The following LRBA variants were observed in gnomAD, a reference collection of about 807,000 sequenced individuals.
The protein encoded by LRBA is LPS responsive beige-like anchor protein, also known as lipopolysaccharide-responsive and beige-like anchor protein.
A neutral mutation model predicts 330.0 loss-of-function variants in LRBA; 176 were observed. That is an observed-to-expected ratio of 0.53 (90% CI 0.47 to 0.60). The LOEUF (loss-of-function observed/expected upper bound fraction) is 0.60. Among genes scored for constraint, LRBA ranks in the 20% least tolerant of loss-of-function variants. The pLI is 0.00. For missense variants in LRBA, 3,259 were observed against 3,444.8 expected, an observed-to-expected ratio of 0.95 and a Z score of 1.35; for synonymous variants, 1,230 against 1,193.0, an observed-to-expected ratio of 1.03 and a Z score of -0.64.
intron 49 of LRBA, 102 bp downstream of exon 49, chr4:150,325,707 C>T: frequency 1.3e-6 from 1 of 785,324 alleles, no homozygotes; most frequent in Non-Finnish European, 2.2e-6. Flanking sequence ...AAAAACAAAC[C>T]CACATATGGT....
chr4:150,991,599 T>C (rs1312744365), intron 2 of LRBA, among the ~76,000 whole-genome samples: 1 of 152,186 alleles, frequency 6.6e-6, no homozygotes, highest in Non-Finnish European at 1.5e-5. Context: ...TTATTCAACA[T>C]TCTGGAAAAC....
At chr4:150,787,438 G>C (rs780550849) in intron 34 of LRBA, among the ~76,000 whole-genome samples, 3 of 152,042 alleles carry the variant, frequency 2.0e-5, no homozygotes, top group Non-Finnish European at 4.4e-5. Context: ...TTATAACAAA[G>C]GATATGATAC....
intron 44 of LRBA, among the ~76,000 whole-genome samples, chr4:150,442,468 G>A (rs186478656): frequency 1.3e-5 from 2 of 152,184 alleles, no homozygotes; most frequent in Non-Finnish European, 2.9e-5. Flanking sequence ...TTACAACCCT[G>A]CTTAGGATCC....
intron 44 of LRBA, among the ~76,000 whole-genome samples, chr4:150,438,008 T>C (rs1337569721): frequency 6.6e-6 from 1 of 152,234 alleles, no homozygotes; most frequent in Non-Finnish European, 1.5e-5. Flanking sequence ...TACAAAGACG[T>C]AGAGAATATG....
intron 2 of LRBA, among the ~76,000 whole-genome samples, chr4:151,006,248 A>G (rs1579476030): frequency 6.6e-6 from 1 of 152,050 alleles, no homozygotes; most frequent in Non-Finnish European, 1.5e-5. Flanking sequence ...AATCACTTGA[A>G]CCCAGAGGCG....
At chr4:150,308,761 A>T (rs1730686012) in intron 52 of LRBA, among the ~76,000 whole-genome samples, 1 of 152,176 alleles carries the variant, frequency 6.6e-6, no homozygotes, top group South Asian at 2.1e-4. Context: ...ATAGAAAAAA[A>T]CCTATACAAT....
chr4:150,789,996 T>C (rs1464693669), intron 34 of LRBA, among the ~76,000 whole-genome samples: 3 of 152,172 alleles, frequency 2.0e-5, no homozygotes, highest in Non-Finnish European at 2.9e-5. Flanking sequence ...AGACTAGTTG[T>C]AAAACAGTAG....
At chr4:150,670,987 C>T (rs979407832) in intron 37 of LRBA, among the ~76,000 whole-genome samples, 1 of 145,556 alleles carries the variant, frequency 6.9e-6, no homozygotes, top group East Asian at 2.0e-4. Flanking sequence ...CACTTTGTCC[C>T]ACAACATAGC....
At chr4:151,014,150 G>C (rs72963663) in intron 2 of LRBA, 2 of 296,332 alleles carry the variant, frequency 6.7e-6, no homozygotes, top group African/African-American at 4.3e-5. Context: ...TAACTCCTCC[G>C]CTAGAACCTC....
chr4:150,907,353 G>A (rs1171285109), intron 11 of LRBA, among the ~76,000 whole-genome samples: 3 of 107,048 alleles, frequency 2.8e-5, no homozygotes, highest in Non-Finnish European at 3.8e-5. Context: ...GAAGGGGAAG[G>A]GGGAGGGAAG....
chr4:150,538,996 AC>A (rs1420562453), intron 40 of LRBA, among the ~76,000 whole-genome samples: 1 of 151,490 alleles, frequency 6.6e-6, no homozygotes, highest in Non-Finnish European at 1.5e-5. Flanking sequence ...TTTTTGTTAG[AC>A]AGAGTCTCAT....
chr4:150,793,397 A>AT (rs1190228404), intron 34 of LRBA, among the ~76,000 whole-genome samples: 2 of 152,222 alleles, frequency 1.3e-5, no homozygotes, highest in East Asian at 3.8e-4. Context: ...GGTAATGATA[A>AT]AATTAGTTGT....
intron 40 of LRBA, among the ~76,000 whole-genome samples, chr4:150,517,562 T>C (rs1050746818): frequency 1.1e-4 from 17 of 151,856 alleles, no homozygotes; most frequent in African/African-American, 3.6e-4. Flanking sequence ...GGATAGATGA[T>C]GGGGGCAAGA....
intron 22 of LRBA, among the ~76,000 whole-genome samples, chr4:150,865,615 A>T (rs545510971): frequency 6.6e-6 from 1 of 152,340 alleles, no homozygotes; most frequent in Non-Finnish European, 1.5e-5. Context: ...TCTCTCAATG[A>T]AGAAAGAGGA....
intron 22 of LRBA, among the ~76,000 whole-genome samples, chr4:150,858,310 A>AT (rs140705959): frequency 6.6e-6 from 1 of 152,138 alleles, no homozygotes; most frequent in African/African-American, 2.4e-5. Context: ...TGTGTTATAT[A>AT]TAATGGCACC....
At chr4:150,434,892 G>A (rs755935355) in intron 46 of LRBA, among the ~76,000 whole-genome samples, 8 of 151,560 alleles carry the variant, frequency 5.3e-5, no homozygotes, top group Non-Finnish European at 7.4e-5. Context: ...ATCCCATTAC[G>A]CATGGTGCCT....
At chr4:150,458,018 A>G (rs1221789297) in intron 44 of LRBA, among the ~76,000 whole-genome samples, 1 of 151,966 alleles carries the variant, frequency 6.6e-6, no homozygotes, top group Non-Finnish European at 1.5e-5. Context: ...AATATTAACC[A>G]CAATCCATTT....
At chr4:150,693,098 C>G (rs1235760933) in intron 36 of LRBA, among the ~76,000 whole-genome samples, 1 of 151,982 alleles carries the variant, frequency 6.6e-6, no homozygotes, top group African/African-American at 2.4e-5. Context: ...TACCTATCAA[C>G]AGTAGAAAGA....
intron 44 of LRBA, among the ~76,000 whole-genome samples, chr4:150,455,007 G>A (rs1282592695): frequency 1.3e-5 from 2 of 150,052 alleles, no homozygotes; most frequent in East Asian, 3.9e-4. Flanking sequence ...TAAGTTTTAG[G>A]GTACATGTGC....
Sources: allele counts gnomAD v4.1 joint callset (sites outside exome capture counted in the v4.1 genomes callset), GRCh38; gene constraint gnomAD v4.1.1; transcripts MANE v1.5; gene names NCBI Gene and HGNC (gene_info 2026-07-23, HGNC 2026-07-21).